NCKAP1: variants seen among roughly 807,000 people sequenced by gnomAD.
NCKAP1 encodes nck-associated protein 1.
NCKAP1 carries 21 observed loss-of-function variants against 151.2 expected under a neutral mutation model. The ratio of observed to expected loss-of-function variants is 0.14; its 90% CI spans 0.10 to 0.20. The LOEUF is 0.20. Among genes scored for constraint, NCKAP1 ranks in the 10% least tolerant of loss-of-function variants. The pLI, the probability that NCKAP1 is intolerant of heterozygous loss-of-function variation, is 1.00. For missense variants in NCKAP1, 933 were observed against 1,352.1 expected (o/e 0.69, Z 4.86); for synonymous variants, 484 against 451.8 (o/e 1.07, Z -0.90).
chr2:182,962,382 G>T, intron 17 of NCKAP1, 104 bp from the exon 18 acceptor site: 1 of 1,099,282 alleles, frequency 9.1e-7, no homozygotes, highest in Non-Finnish European at 1.3e-6. Context: ...GGTACATTCC[G>T]CAATAGTGAG....
rs1398411820 is a variant in NCKAP1 at position 182,911,582 on chromosome 2, A to G, written c.*14120T>C. On this transcript the variant is annotated 3_prime_UTR_variant, in exon 31 of 31. Transcript: ENST00000361354. Reference sequence around the variant, plus strand: ...AATTCTGTTACTTCAAATGTTAAATATTTCAGTCATCTATGAATGGCCATC... The same window carrying G: ...AATTCTGTTACTTCAAATGTTAAATGTTTCAGTCATCTATGAATGGCCATC... The G allele has an allele frequency of 6.6e-6, 1 of 152,232 alleles. No homozygotes were observed. Among genetic ancestry groups the G allele is most frequent in the Non-Finnish European group, 1.5e-5 (1 of 68,036 alleles). 9.4% of individuals were successfully genotyped at this position (152,232 alleles called of 1,614,324 possible).
At chr2:182,948,101 G>C (rs574513524) in intron 23 of NCKAP1, among the ~76,000 whole-genome samples, 1 of 151,754 alleles carries the variant, frequency 6.6e-6, no homozygotes, top group Admixed American at 6.6e-5. Context: ...AAATGATGAA[G>C]GCACAATATT....
At chr2:183,015,671 C>A (rs1698670208) in intron 2 of NCKAP1, among the ~76,000 whole-genome samples, 2 of 151,494 alleles carry the variant, frequency 1.3e-5, no homozygotes, top group South Asian at 2.1e-4. Context: ...ATATATTATT[C>A]ATCTTACAGC....
At chr2:183,002,344 A>C (rs1698389982) in intron 4 of NCKAP1, 75 bp from the exon 5 acceptor site, 1 of 946,680 alleles carries the variant, frequency 1.1e-6, no homozygotes, top group Non-Finnish European at 1.5e-6. Flanking sequence ...TCTTCATAGA[A>C]GCTATTGAGA....
intron 2 of NCKAP1, among the ~76,000 whole-genome samples, chr2:183,016,837 C>A (rs568474848): frequency 2.0e-5 from 3 of 152,118 alleles, no homozygotes; most frequent in African/African-American, 4.8e-5. Context: ...GATTGGATGG[C>A]ATACAAATCA....
chr2:183,028,378 T>G (rs1170776984), intron 1 of NCKAP1, among the ~76,000 whole-genome samples: 1 of 152,088 alleles, frequency 6.6e-6, no homozygotes. Context: ...TAAAATAAAT[T>G]TAAATATTTA....
intron 2 of NCKAP1, among the ~76,000 whole-genome samples, chr2:183,010,215 C>T (rs753711349): frequency 1.0e-3 from 158 of 152,312 alleles, no homozygotes; most frequent in Middle Eastern, 3.4e-3. Context: ...TTGTGACTTG[C>T]TTTGACCAAC....
At chr2:182,966,385 A>C (rs1697570831) in intron 16 of NCKAP1, among the ~76,000 whole-genome samples, 1 of 151,630 alleles carries the variant, frequency 6.6e-6, no homozygotes, top group Admixed American at 6.6e-5. Flanking sequence ...TCCCAGGTTC[A>C]GGCGATTCTC....
intron 24 of NCKAP1, among the ~76,000 whole-genome samples, chr2:182,937,422 G>A (rs1696900876): frequency 6.6e-6 from 1 of 152,092 alleles, no homozygotes; most frequent in Non-Finnish European, 1.5e-5. Flanking sequence ...ACTAACTCTA[G>A]AACAGAGGCT....
At position 182,916,774 on chromosome 2, in the gene NCKAP1, T is replaced by C. The variant is rs571074644; in HGVS notation, c.*8928A>G. The C allele has an allele frequency of 2.6e-5, 4 of 152,348 alleles. 1 individual carries two copies. Among genetic ancestry groups the C allele is most frequent in the African/African-American group, 7.2e-5 (3 of 41,584 alleles). The allele number at this position is 152,348 out of a possible 1,614,324, so 9.4% of individuals were successfully genotyped here. A position where few individuals can be genotyped will look rare whatever the true frequency, so the allele number is the denominator to read the frequency against. The stretch of plus-strand genomic sequence containing the variant: ...TTTACATCTTATACATTTTTGTGTA[T>C]AGTATATAAAAATATAGTATAACAT... On this transcript the variant is annotated 3_prime_UTR_variant, in exon 31 of 31. Coordinates refer to ENST00000361354, the MANE Select transcript of NCKAP1 (RefSeq NM_013436.5).
rs901872064 is a variant in NCKAP1 at position 182,995,844 on chromosome 2, T to G, written c.604-6A>C. 2.5e-6 allele frequency: 4 copies of G among 1,602,462 alleles called. No individual in the cohort carries two copies. Among genetic ancestry groups the G allele is most frequent in the Non-Finnish European group, 3.4e-6 (4 of 1,170,586 alleles). ...ATTAGTGCATCTGAAAGAGACTAAT[T>G]AAAATACGAAAAAAAAGCTGAAGAA... On this transcript the variant is annotated splice_region_variant and splice_polypyrimidine_tract_variant and intron_variant, in intron 6 of 30. Coordinates refer to ENST00000361354, the MANE Select transcript of NCKAP1 (RefSeq NM_013436.5).
At chr2:183,024,143 C>T (rs952988387) in intron 1 of NCKAP1, among the ~76,000 whole-genome samples, 3 of 151,088 alleles carry the variant, frequency 2.0e-5, no homozygotes, top group Non-Finnish European at 4.4e-5. Context: ...AAGCAGTTAG[C>T]GCAGAACAGC....
chr2:182,957,673 G>A, intron 18 of NCKAP1, 77 bp from the exon 19 acceptor site: 3 of 1,424,006 alleles, frequency 2.1e-6, no homozygotes, highest in East Asian at 2.3e-5. Context: ...GCAAACAGTA[G>A]CTGAATCCAG....
At chr2:183,006,361 CAAAG>C (rs1447292419) in intron 2 of NCKAP1, among the ~76,000 whole-genome samples, 1 of 152,118 alleles carries the variant, frequency 6.6e-6, no homozygotes, top group Non-Finnish European at 1.5e-5. Context: ...AAGTGAATAA[CAAAG>C]GAAGCTTGCA....
At chr2:182,980,686 T>C (rs1286166243) in intron 13 of NCKAP1, among the ~76,000 whole-genome samples, 1 of 152,206 alleles carries the variant, frequency 6.6e-6, no homozygotes, top group Admixed American at 6.5e-5. Context: ...CTTTATTTAC[T>C]GGCCATCCTC....
chr2:182,938,257 G>A (rs947959248), intron 24 of NCKAP1, among the ~76,000 whole-genome samples: 1 of 152,054 alleles, frequency 6.6e-6, no homozygotes, highest in African/African-American at 2.4e-5. Context: ...GAAAATTTGG[G>A]ATAAAATTTT....
At chr2:182,957,844 T>C (rs1340741215) in intron 18 of NCKAP1, among the ~76,000 whole-genome samples, 2 of 152,200 alleles carry the variant, frequency 1.3e-5, no homozygotes, top group Non-Finnish European at 2.9e-5. Flanking sequence ...AGTAAATTCA[T>C]AGACGCTTAT....
intron 10 of NCKAP1, among the ~76,000 whole-genome samples, chr2:182,985,078 C>T (rs554602641): frequency 2.8e-4 from 43 of 152,236 alleles, no homozygotes; most frequent in African/African-American, 9.9e-4. Context: ...CACTAGAAAT[C>T]ATTTTTGAAA....
intron 9 of NCKAP1, 112 bp from the exon 10 acceptor site, chr2:182,986,339 G>T: frequency 2.4e-6 from 2 of 849,528 alleles, no homozygotes; most frequent in Non-Finnish European, 3.7e-6. Context: ...TCAGAAACTG[G>T]CCATCAAACT....
Sources: gnomAD v4.1 joint callset for allele counts (sites outside exome capture counted in the v4.1 genomes callset) on GRCh38, gnomAD v4.1.1 for gene constraint, MANE v1.5 for transcripts, NCBI Gene and HGNC (gene_info 2026-07-23, HGNC 2026-07-21) for gene names.